The following IPCEF1 variants were observed in gnomAD, a reference collection of about 807,000 sequenced individuals.
The protein encoded by IPCEF1 is interactor protein for cytohesin exchange factors 1.
A neutral mutation model predicts 50.9 loss-of-function variants in IPCEF1; 31 were observed. That is an observed-to-expected ratio of 0.61 (90% CI 0.46 to 0.82). The LOEUF (loss-of-function observed/expected upper bound fraction) is 0.82, where lower values mean the gene tolerates loss of function less well. Ranked by LOEUF, IPCEF1 falls within the 40% of genes least tolerant of loss-of-function variation. IPCEF1 has a pLI of 0.00. For missense variants in IPCEF1, 458 were observed against 514.0 expected (o/e 0.89, Z 1.05); for synonymous variants, 181 against 192.0 (o/e 0.94, Z 0.47).
intron 1 of IPCEF1, among the ~76,000 whole-genome samples, chr6:154,348,784 G>A (rs777517016): frequency 2.0e-5 from 3 of 152,152 alleles, no homozygotes; most frequent in Non-Finnish European, 4.4e-5. Flanking sequence ...AAACAGCAAC[G>A]TTCCTGCAAC....
At chr6:154,251,204 G>A (rs1781328732) in intron 3 of IPCEF1, among the ~76,000 whole-genome samples, 2 of 151,972 alleles carry the variant, frequency 1.3e-5, no homozygotes, top group Admixed American at 6.6e-5. Flanking sequence ...CATAGTAGTG[G>A]ATAATGAAGA....
chr6:154,180,298 T>C (rs1430251661), intron 10 of IPCEF1, among the ~76,000 whole-genome samples: 1 of 151,714 alleles, frequency 6.6e-6, no homozygotes, highest in African/African-American at 2.4e-5. Flanking sequence ...TCCTAAACTT[T>C]CTTCAAACTT....
intron 7 of IPCEF1, among the ~76,000 whole-genome samples, chr6:154,220,528 G>A (rs1778780088): frequency 6.6e-6 from 1 of 152,190 alleles, no homozygotes; most frequent in Admixed American, 6.5e-5. Context: ...GTGCACGCCT[G>A]TAACTTGGGA....
intron 7 of IPCEF1, 152 bp downstream of exon 7, chr6:154,221,105 C>A: frequency 1.7e-6 from 1 of 593,342 alleles, no homozygotes. Flanking sequence ...GAGAAGAAAG[C>A]ACGAAGGCAT....
chr6:154,305,638 T>C (rs1482378792), intron 1 of IPCEF1, among the ~76,000 whole-genome samples: 1 of 152,208 alleles, frequency 6.6e-6, no homozygotes, highest in Non-Finnish European at 1.5e-5. Flanking sequence ...GTATTGTTCC[T>C]GGGTGTGACT....
intron 2 of IPCEF1, among the ~76,000 whole-genome samples, chr6:154,284,212 C>A (rs1182696315): frequency 6.6e-6 from 1 of 152,092 alleles, no homozygotes; most frequent in African/African-American, 2.4e-5. Context: ...TTCACTTATT[C>A]TCACCTAAAG....
chr6:154,303,016 C>T (rs1249390135), intron 1 of IPCEF1, among the ~76,000 whole-genome samples: 3 of 151,710 alleles, frequency 2.0e-5, no homozygotes, highest in Non-Finnish European at 4.4e-5. Flanking sequence ...TGTTGACCAG[C>T]AACCCAACAG....
chr6:154,243,009 G>A (rs1307200250), intron 5 of IPCEF1, among the ~76,000 whole-genome samples: 1 of 152,318 alleles, frequency 6.6e-6, no homozygotes, highest in South Asian at 2.1e-4. Context: ...TGACCTATAA[G>A]GAGGGATAAG....
chr6:154,248,026 A>G (rs1781197819), intron 3 of IPCEF1, among the ~76,000 whole-genome samples: 4 of 152,134 alleles, frequency 2.6e-5, no homozygotes, highest in Non-Finnish European at 5.9e-5. Flanking sequence ...AAATTCCACA[A>G]CCTCTTTCAG....
intron 1 of IPCEF1, among the ~76,000 whole-genome samples, chr6:154,313,145 G>A (rs146247427): frequency 6.0e-5 from 9 of 150,926 alleles, no homozygotes; most frequent in Non-Finnish European, 7.4e-5. Context: ...ACTGTGGAGG[G>A]CAGATCACCC....
At chr6:154,206,029 G>A (rs1777465506) in intron 9 of IPCEF1, among the ~76,000 whole-genome samples, 1 of 152,108 alleles carries the variant, frequency 6.6e-6, no homozygotes, top group African/African-American at 2.4e-5. Flanking sequence ...GCTATCAAGA[G>A]ATGCCAGGAG....
At chr6:154,164,455 C>T (rs1263079346) in intron 11 of IPCEF1, among the ~76,000 whole-genome samples, 2 of 152,166 alleles carry the variant, frequency 1.3e-5, no homozygotes, top group African/African-American at 4.8e-5. Context: ...CCTTCCTACA[C>T]CAGGCATCCT....
At chr6:154,351,156 T>A (rs1238066147) in intron 1 of IPCEF1, among the ~76,000 whole-genome samples, 1 of 152,238 alleles carries the variant, frequency 6.6e-6, no homozygotes, top group African/African-American at 2.4e-5. Flanking sequence ...ATCTGCGGTG[T>A]TCCCGCTAAA....
chr6:154,239,433 G>T (rs1780399149), intron 5 of IPCEF1, among the ~76,000 whole-genome samples: 1 of 152,100 alleles, frequency 6.6e-6, no homozygotes, highest in African/African-American at 2.4e-5. Flanking sequence ...AAATTAGAAT[G>T]TCAGAAGTAA....
chr6:154,172,005 T>C (rs553107399), intron 10 of IPCEF1, among the ~76,000 whole-genome samples: 18 of 152,290 alleles, frequency 1.2e-4, no homozygotes, highest in East Asian at 9.6e-4. Flanking sequence ...CAAAGATAAA[T>C]AGAATGGTTT....
chr6:154,273,724 C>CTTTTTTTTTTTTTTTTTTTTTTTTTTT (rs71021036), intron 2 of IPCEF1, among the ~76,000 whole-genome samples: 1 of 63,316 alleles, frequency 1.6e-5, no homozygotes, highest in African/African-American at 5.6e-5. Context: ...TTCTTTCTTT[C>CTTTTTTTTTTTTTTTTTTTTTTTTTTT]TTTTTTTTTT....
chr6:154,158,193 C>T lies in IPCEF1; in HGVS notation c.*1635G>A, dbSNP rs1210433819. On this transcript the variant is annotated 3_prime_UTR_variant, in exon 12 of 12. Transcript: ENST00000367220. ...TTTGCAGATATAATTCAGGTGGTTC[C>T]TTCCATTTGAATGTCAAGCCACACT... The T allele has an allele frequency of 1.3e-5, 2 of 152,154 alleles. No homozygotes were observed. The highest frequency in any genetic ancestry group is 4.8e-5 in the African/African-American group (2 of 41,430). The allele number at this position is 152,154 out of a possible 1,614,324, so 9.4% of individuals were successfully genotyped here.
At chr6:154,262,769 CTTTTTTTTTTTTT>C (rs138504583) in intron 3 of IPCEF1, among the ~76,000 whole-genome samples, 1 of 97,720 alleles carries the variant, frequency 1.0e-5, no homozygotes. Context: ...GCTTATAATC[CTTTTTTTTTTTTT>C]TTTTTTTTTT....
intron 10 of IPCEF1, among the ~76,000 whole-genome samples, chr6:154,185,600 T>G (rs1216526910): frequency 6.6e-6 from 1 of 152,232 alleles, no homozygotes; most frequent in Non-Finnish European, 1.5e-5. Context: ...TGCCATATGC[T>G]TATTATAAAT....
Sources: gnomAD v4.1 joint callset for allele counts (sites outside exome capture counted in the v4.1 genomes callset) on GRCh38, gnomAD v4.1.1 for gene constraint, MANE v1.5 for transcripts, NCBI Gene and HGNC (gene_info 2026-07-23, HGNC 2026-07-21) for gene names.